Variants in ZNF761 observed in about 807,000 individuals in gnomAD.
The protein encoded by ZNF761 is zinc finger protein 761.
In ZNF761, 43 loss-of-function variants were observed where a neutral mutation model predicts 59.9. That is an observed-to-expected ratio of 0.72 (90% CI 0.56 to 0.92). ZNF761 has a LOEUF of 0.92. Among genes scored for constraint, ZNF761 ranks in the 40% least tolerant of loss-of-function variants. ZNF761 has a pLI of 0.00. For synonymous variants in ZNF761, 294 were observed against 304.8 expected, an observed-to-expected ratio of 0.96 and a Z score of 0.37; for missense variants, 850 against 906.1, an observed-to-expected ratio of 0.94 and a Z score of 0.79.
rs370590137 is a variant in ZNF761 at position 53,451,153 on chromosome 19, A to G, written c.142+1515A>G. The stretch of plus-strand genomic sequence containing the variant: ...TCTAAATAGGAAAAAAAGTTGAATT[A>G]TGAAGAAAAGGTACACTTATAACAG... On this transcript the variant is annotated intron_variant, in intron 4 of 4. Coordinates refer to ENST00000684525, the MANE Select transcript of ZNF761 (RefSeq NM_001289951.2). Among the ~76,000 whole-genome samples, 8 of 152,332 alleles carry G rather than the reference A, an allele frequency of 5.3e-5. No homozygotes were observed. In the South Asian group the frequency reaches 8.3e-4, roughly 16 times the overall value.
chr19:53,432,282 AACCTTTTTCT>A (rs1431255385), intron 1 of ZNF761, among the ~76,000 whole-genome samples: 1 of 151,880 alleles, frequency 6.6e-6, no homozygotes, highest in African/African-American at 2.4e-5. Flanking sequence ...TCCTGCTGTA[AACCTTTTTCT>A]GACTCCTCCC....
chr19:53,455,247 G>A lies in ZNF761; in HGVS notation c.740G>A (p.Cys247Tyr), dbSNP rs745600746. ...GCAGACAAATATAAATGTGATGTAT[G>A]TGGCAAGCTCTTTAATCAGAAGCGA... ...HLADKYKCDV[C>Y]GKLFNQKRNL... Residue 247 changes from cysteine (C) to tyrosine (Y), a missense_variant, in exon 5 of 5, where the codon TGT becomes TAT. Physicochemically the swap from Cys to Tyr is radical, Grantham distance 194. Transcript: ENST00000684525. 16 of 1,614,088 alleles carry A rather than the reference G, an allele frequency of 9.9e-6. No individual in the cohort carries two copies. The highest frequency in any genetic ancestry group is 1.3e-5 in the African/African-American group (1 of 74,948).
chr19:53,447,843 A>T (rs1360861570), intron 3 of ZNF761, among the ~76,000 whole-genome samples: 1 of 152,206 alleles, frequency 6.6e-6, no homozygotes, highest in Non-Finnish European at 1.5e-5. Flanking sequence ...TTATTCTGTC[A>T]TTATTTTAAG....
rs760471909 is a variant in ZNF761 at position 53,454,975 on chromosome 19, C to T, written c.468C>T (p.Thr156=). 61 of 1,613,900 alleles carry T rather than the reference C, an allele frequency of 3.8e-5. No individual in the cohort carries two copies. The East Asian group carries it at 4.5e-4, about 12-fold the overall frequency. ...SHLPEMHIFQ[T]EEKIDNQVVK... is the part of the protein sequence containing the mutation. ...TGCCTGAAATGCACATATTTCAGAC[C>T]GAAGAGAAAATTGATAATCAAGTTG... Residue 156 remains threonine, a synonymous_variant, in exon 5 of 5, where the codon ACC becomes ACT. Coordinates refer to ENST00000684525, the MANE Select transcript of ZNF761 (RefSeq NM_001289951.2).
intron 1 of ZNF761, chr19:53,444,201 T>A (rs2086129907): frequency 6.6e-6 from 1 of 151,790 alleles, no homozygotes; most frequent in Non-Finnish European, 1.5e-5. Flanking sequence ...CCGTAAAGAG[T>A]CTGTGCTGAG....
At chr19:53,451,287 T>G (rs2086219432) in intron 4 of ZNF761, among the ~76,000 whole-genome samples, 1 of 152,202 alleles carries the variant, frequency 6.6e-6, no homozygotes, top group Non-Finnish European at 1.5e-5. Context: ...CTCGGGTCAC[T>G]CCAACCTCCA....
intron 2 of ZNF761, among the ~76,000 whole-genome samples, chr19:53,446,767 C>T (rs2086164548): frequency 7.9e-5 from 12 of 152,140 alleles, no homozygotes; most frequent in Admixed American, 7.9e-4. Flanking sequence ...CCTCAGACTC[C>T]TAAGTAGCTT....
chr19:53,456,324 A>T lies in ZNF761; in HGVS notation c.1817A>T (p.Tyr606Phe), dbSNP rs1460761864. The part of the protein sequence containing the change: ...HQKIHTEENP[Y>F]KCNECGKTFS... ...AAAATTCATACTGAAGAGAATCCTT[A>T]CAAGTGTAATGAGTGTGGCAAGACC... Residue 606 changes from tyrosine (Y) to phenylalanine (F), a missense_variant, in exon 5 of 5, where the codon TAC (tyrosine) becomes TTC (phenylalanine). Tyr to Phe is a conservative substitution (Grantham distance 22, BLOSUM62 3). Transcript: ENST00000684525. 1 of 1,611,136 alleles carries T rather than the reference A, an allele frequency of 6.2e-7. No homozygotes were observed. Among genetic ancestry groups the T allele is most frequent in the Non-Finnish European group, 8.5e-7 (1 of 1,177,904 alleles).
chr19:53,438,467 T>C (rs1650273621), intron 1 of ZNF761, among the ~76,000 whole-genome samples: 2 of 152,218 alleles, frequency 1.3e-5, no homozygotes, highest in East Asian at 1.9e-4. Flanking sequence ...TTCATGAACA[T>C]ATAGAAAGAC....
intron 1 of ZNF761, among the ~76,000 whole-genome samples, chr19:53,441,395 C>CTTAG (rs2086097763): frequency 6.7e-6 from 1 of 150,108 alleles, no homozygotes; most frequent in African/African-American, 2.5e-5. Context: ...CTTTATTTTA[C>CTTAG]TTATTTATTT....
intron 4 of ZNF761, 82 bp downstream of exon 4, chr19:53,449,720 G>T (rs1019534452): frequency 2.5e-5 from 40 of 1,585,476 alleles, no homozygotes; most frequent in Middle Eastern, 3.4e-4. Flanking sequence ...ACAGTGTCTT[G>T]CTCTGTCACC....
rs1468532506 is a variant in ZNF761 at position 53,456,169 on chromosome 19, G to A, written c.1662G>A (p.Glu554=). 6.2e-7 allele frequency: 1 copy of A among 1,613,692 alleles called. No homozygotes were observed. The highest frequency in any genetic ancestry group is 8.5e-7 in the Non-Finnish European group (1 of 1,179,932). The change falls in exon 5 of 5, where the codon GAG becomes GAA. Residue 554 remains glutamate, a synonymous_variant. Coordinates refer to ENST00000684525, the MANE Select transcript of ZNF761 (RefSeq NM_001289951.2). ...GAGAGAAACCTTACAAGTGTAAGGA[G>A]TGTGGCAAGACCTTCAATCAGCAGT... ...HSGEKPYKCK[E]CGKTFNQQLT... is the part of the protein sequence containing the mutation.
In ZNF761 at chr19:53,454,738, T is replaced by C. The variant is rs1237165584; in HGVS notation, c.231T>C (p.His77=). 2 of 1,614,140 alleles carry C rather than the reference T, an allele frequency of 1.2e-6. No individual in the cohort carries two copies. The highest frequency in any genetic ancestry group is 2.2e-5 in the East Asian group (1 of 44,872). ...TCCATGCAGGGACATTGCAAATACA[T>C]GAAAGTCATCACAATGGAGATTTTT... is the stretch of plus-strand genomic sequence containing the variant. ...EVFHAGTLQI[H]ESHHNGDFCY... Residue 77 remains histidine, a synonymous_variant, in exon 5 of 5, where the codon CAT becomes CAC. Coordinates refer to ENST00000684525, the MANE Select transcript of ZNF761 (RefSeq NM_001289951.2).
intron 1 of ZNF761, among the ~76,000 whole-genome samples, chr19:53,441,493 C>G (rs978709640): frequency 1.3e-5 from 2 of 149,534 alleles, no homozygotes; most frequent in Non-Finnish European, 3.0e-5. Context: ...GTCACCCAGG[C>G]TGGAGTGTAG....
At chr19:53,448,026 G>C (rs2708749) in intron 3 of ZNF761, among the ~76,000 whole-genome samples, 9,001 of 152,182 alleles carry the variant, frequency 0.059, 390 homozygotes, top group African/African-American at 0.12. Context: ...TAAATATGCA[G>C]AGTCTTGCTC....
At chr19:53,451,636 G>A (rs899236692) in intron 4 of ZNF761, among the ~76,000 whole-genome samples, 2 of 151,868 alleles carry the variant, frequency 1.3e-5, no homozygotes, top group Non-Finnish European at 2.9e-5. Context: ...AGGCTGGAGT[G>A]CGGTGGTGCG....
In ZNF761 at chr19:53,455,146, ATCT is replaced by A; in HGVS notation, c.641_643del (p.Ser214del). On this transcript the variant is annotated inframe_deletion, in exon 5 of 5. Coordinates refer to ENST00000684525, the MANE Select transcript of ZNF761 (RefSeq NM_001289951.2). ...AACAGGAAGTACACATGAGAGAAAA[ATCT>A]TTCCAATGTAATGAGAGTGGCAAAG... is the stretch of plus-strand genomic sequence containing the variant. The A allele has an allele frequency of 1.9e-6, 3 of 1,614,204 alleles. No homozygotes were observed. The highest frequency in any genetic ancestry group is 2.5e-6 in the Non-Finnish European group (3 of 1,180,040).
At chr19:53,437,326 A>AAAAG (rs150721425) in intron 1 of ZNF761, among the ~76,000 whole-genome samples, 2,299 of 150,458 alleles carry the variant, frequency 0.015, 58 homozygotes, top group African/African-American at 0.043. Flanking sequence ...TCAAAAAAAA[A>AAAAG]AAAAGAAAAA....
intron 4 of ZNF761, among the ~76,000 whole-genome samples, chr19:53,452,495 C>T (rs1044264431): frequency 2.0e-5 from 3 of 151,892 alleles, no homozygotes; most frequent in Admixed American, 6.6e-5. Flanking sequence ...GCGGGAGAAT[C>T]TCTTGAGGCA....
Sources: gnomAD v4.1 joint callset for allele counts (sites outside exome capture counted in the v4.1 genomes callset) on GRCh38, gnomAD v4.1.1 for gene constraint, MANE v1.5 for transcripts, NCBI Gene and HGNC (gene_info 2026-07-23, HGNC 2026-07-21) for gene names.